The following FBXO30 variants were observed in gnomAD, a reference collection of about 807,000 sequenced individuals.
FBXO30 encodes the protein F-box protein 30, also known as F-box only protein 30.
A neutral mutation model predicts 58.1 loss-of-function variants in FBXO30; 21 were observed. That is an observed-to-expected ratio of 0.36 (90% CI 0.26 to 0.52). The LOEUF is 0.52. FBXO30 is among the 20% of genes least tolerant of loss of function. The pLI, the probability that FBXO30 is intolerant of heterozygous loss-of-function variation, is 0.93. For missense variants in FBXO30, 744 were observed against 897.3 expected (o/e 0.83, Z 2.18); for synonymous variants, 309 against 312.4 (o/e 0.99, Z 0.11).
chr6:145,810,618 T>C (rs1778307095), intron 1 of FBXO30, among the ~76,000 whole-genome samples: 1 of 152,228 alleles, frequency 6.6e-6, no homozygotes, highest in Non-Finnish European at 1.5e-5. Flanking sequence ...TCATACTCTG[T>C]GGCTGACAAG....
At position 145,798,261 on chromosome 6, in the gene FBXO30, T is replaced by C. The variant is rs1227173630; in HGVS notation, c.*1845A>G. 6.6e-6 allele frequency: 1 copy of C among 151,986 alleles called. No homozygotes were observed. The highest frequency in any genetic ancestry group is 6.6e-5 in the Admixed American group (1 of 15,238). The allele number at this position is 151,986 out of a possible 1,614,324, so 9.4% of individuals were successfully genotyped here. A position where few individuals can be genotyped will look rare whatever the true frequency, so the allele number is the denominator to read the frequency against. On this transcript the variant is annotated 3_prime_UTR_variant, in exon 3 of 3. Transcript: ENST00000237281. ...TCACAAAGAAAACATTTTAACAAAATGGTATGGTGGCATAACAATAACAAA... is the reference window on the plus strand; with the variant it reads ...TCACAAAGAAAACATTTTAACAAAACGGTATGGTGGCATAACAATAACAAA...
At position 145,798,185 on chromosome 6, in the gene FBXO30, T is replaced by C. The variant is rs1777902493; in HGVS notation, c.*1921A>G. The C allele has an allele frequency of 6.6e-6, 1 of 152,052 alleles. No homozygotes were observed. Among genetic ancestry groups the C allele is most frequent in the African/African-American group, 2.4e-5 (1 of 41,428 alleles). The allele number at this position is 152,052 out of a possible 1,614,324, so 9.4% of individuals were successfully genotyped here. A position where few individuals can be genotyped will look rare whatever the true frequency, so the allele number is the denominator to read the frequency against. ...ATTTAAATGAACGTTTTTAAGTTAT[T>C]GAGCCATGTTAAGGGAAAACATTAA... On this transcript the variant is annotated 3_prime_UTR_variant, in exon 3 of 3. Transcript: ENST00000237281.
rs1274422825 is a variant in FBXO30, at chr6:145,804,541, T to C, written c.1865A>G (p.Gln622Arg). 3.7e-6 allele frequency: 6 copies of C among 1,613,634 alleles called. No individual in the cohort carries two copies. The highest frequency in any genetic ancestry group is 5.1e-6 in the Non-Finnish European group (6 of 1,179,824). ...GCCATCGAGAAAGCCTGCAATATGC[T>C]GCAGGACCTCAAAAGGAAGACTACT... The part of the protein sequence containing the change: ...HLSSLPFEVL[Q>R]HIAGFLDGFS... Residue 622 changes from glutamine to arginine, a missense_variant, in exon 2 of 3, where the codon CAG becomes CGG. Gln to Arg is a conservative substitution (Grantham distance 43). This residue lies in a region of FBXO30 where 334 missense variants were observed against 433.7 expected (regional missense o/e 0.77). Coordinates refer to ENST00000237281, the MANE Select transcript of FBXO30 (RefSeq NM_032145.5).
rs373132340 is a variant in FBXO30 at position 145,795,185 on chromosome 6, C to G, written c.*4921G>C. 6.6e-6 allele frequency: 1 copy of G among 151,826 alleles called. No homozygotes were observed. Among genetic ancestry groups the G allele is most frequent in the East Asian group, 1.9e-4 (1 of 5,172 alleles). The allele number at this position is 151,826 out of a possible 1,614,324, so 9.4% of individuals were successfully genotyped here. ...ATAGATCAACCTATTTGCCTCACAT[C>G]TGAGAAACAAAATTTCTAAAAATTT... is the stretch of plus-strand genomic sequence containing the variant. On this transcript the variant is annotated 3_prime_UTR_variant, in exon 3 of 3. Coordinates refer to ENST00000237281, the MANE Select transcript of FBXO30 (RefSeq NM_032145.5).
chr6:145,808,941 C>T (rs1407761828), intron 1 of FBXO30, among the ~76,000 whole-genome samples: 1 of 152,082 alleles, frequency 6.6e-6, no homozygotes, highest in African/African-American at 2.4e-5. Context: ...ACTAAAATAA[C>T]AAAAGTGTAC....
At chr6:145,812,284 C>T (rs1778355530) in intron 1 of FBXO30, among the ~76,000 whole-genome samples, 2 of 151,944 alleles carry the variant, frequency 1.3e-5, no homozygotes, top group Non-Finnish European at 2.9e-5. Flanking sequence ...TATTCCAAAG[C>T]GAAATCTAAC....
At chr6:145,809,238 AACTT>A in intron 1 of FBXO30, among the ~76,000 whole-genome samples, 1 of 152,202 alleles carries the variant, frequency 6.6e-6, no homozygotes, top group Non-Finnish European at 1.5e-5. Flanking sequence ...TTTAAAGAAA[AACTT>A]TATTAAGAAT....
intron 1 of FBXO30, among the ~76,000 whole-genome samples, chr6:145,813,491 AC>A (rs1778392384): frequency 6.6e-6 from 1 of 152,328 alleles, no homozygotes; most frequent in East Asian, 1.9e-4. Flanking sequence ...TTGAAATCTA[AC>A]CCTCTGAAAA....
chr6:145,814,705 C>G lies in FBXO30; in HGVS notation c.-119G>C, dbSNP rs1336666071. On this transcript the variant is annotated 5_prime_UTR_variant, in exon 1 of 3. Transcript: ENST00000237281. ...GACGCTCCGTACCCCACACAGCCGT[C>G]CGAACCGCCTCCTCCGCCCCTCTTC... 6.5e-6 allele frequency: 1 copy of G among 153,464 alleles called. No homozygotes were observed. The highest frequency in any genetic ancestry group is 2.4e-5 in the African/African-American group (1 of 41,456). The allele number at this position is 153,464 out of a possible 1,614,324, so 9.5% of individuals were successfully genotyped here.
chr6:145,807,173 C>T (rs1778197992), intron 1 of FBXO30, among the ~76,000 whole-genome samples: 1 of 152,046 alleles, frequency 6.6e-6, no homozygotes, highest in South Asian at 2.1e-4. Context: ...TAAAGATTAG[C>T]AAGTCACAGT....
rs1316873780 is a variant in FBXO30 at position 145,794,180 on chromosome 6, C to T, written c.*5926G>A. 6.6e-6 allele frequency: 1 copy of T among 151,968 alleles called. No homozygotes were observed. Among genetic ancestry groups the T allele is most frequent in the Non-Finnish European group, 1.5e-5 (1 of 67,892 alleles). The allele number at this position is 151,968 out of a possible 1,614,324, so 9.4% of individuals were successfully genotyped here. On this transcript the variant is annotated 3_prime_UTR_variant, in exon 3 of 3. Coordinates refer to ENST00000237281, the MANE Select transcript of FBXO30 (RefSeq NM_032145.5). ...TATCTCTATGAATTTACCTATTCTG[C>T]ATATTTCATATAAATGAAATCATAT...
In FBXO30 at chr6:145,805,470, TAA is replaced by T; in HGVS notation, c.934_935del (p.Leu312AsnfsTer26). The T allele has an allele frequency of 6.2e-7, 1 of 1,609,320 alleles. No individual in the cohort carries two copies. On this transcript the variant is annotated frameshift_variant, in exon 2 of 3. Transcript: ENST00000237281. LOFTEE classifies it high-confidence loss of function. ...ATGATGCCACACAGTCTCCATTTGT[TAA>T]GTTACTTTGTTTTGAATCACCATGT... Reference protein sequence around the residue: ...NLHGDSKQSNLTNGDCVASSD... With the variant: ...NLHGDSKQSNXTNGDCVASSD...
rs1455199188 is a variant in FBXO30 at position 145,804,835 on chromosome 6, C to T, written c.1571G>A (p.Gly524Glu). The change falls in exon 2 of 3, where the codon GGA becomes GAA. Residue 524 changes from glycine (G) to glutamate (E), a missense_variant. Physicochemically the swap from Gly to Glu is moderately conservative, Grantham distance 98 (BLOSUM62 -2). Transcript: ENST00000237281. ...AAATTCTTTCCTTCTAAATAACTGT[C>T]CACACACAAAGGTAAACATTGAACG... is the stretch of plus-strand genomic sequence containing the variant. ...KQRSMFTFVCGQLFRRKEFSS... is the reference protein window; with the variant it reads ...KQRSMFTFVCEQLFRRKEFSS... 1 of 1,613,922 alleles carries T rather than the reference C, an allele frequency of 6.2e-7. No homozygotes were observed. Among genetic ancestry groups the T allele is most frequent in the Non-Finnish European group, 8.5e-7 (1 of 1,179,902 alleles).
At chr6:145,808,137 AAAT>A (rs953244911) in intron 1 of FBXO30, among the ~76,000 whole-genome samples, 1 of 152,068 alleles carries the variant, frequency 6.6e-6, no homozygotes, top group East Asian at 1.9e-4. Context: ...CTGTCTCAAA[AAAT>A]AATAATAATA....
chr6:145,811,291 G>C (rs1234350906), intron 1 of FBXO30, among the ~76,000 whole-genome samples: 1 of 152,016 alleles, frequency 6.6e-6, no homozygotes, highest in East Asian at 1.9e-4. Flanking sequence ...TACAGATCTG[G>C]CATCAATCAA....
intron 2 of FBXO30, among the ~76,000 whole-genome samples, chr6:145,804,129 G>A (rs536703565): frequency 1.3e-5 from 2 of 152,066 alleles, no homozygotes; most frequent in African/African-American, 4.8e-5. Context: ...AACGTAAGTG[G>A]TCTCTGCCAT....
chr6:145,796,777 CTG>C lies in FBXO30; in HGVS notation c.*3327_*3328del, dbSNP rs1562556241. 2.6e-5 allele frequency: 4 copies of C among 151,958 alleles called. No homozygotes were observed. The highest frequency in any genetic ancestry group is 6.6e-5 in the Admixed American group (1 of 15,230). 9.4% of individuals were successfully genotyped at this position (151,958 alleles called of 1,614,324 possible). A position where few individuals can be genotyped will look rare whatever the true frequency, so the allele number is the denominator to read the frequency against. ...ACTAGTCAAATCTCCACAGGCAAAA[CTG>C]TTATCGATATAGTAATATAAACTAC... On this transcript the variant is annotated 3_prime_UTR_variant, in exon 3 of 3. Coordinates refer to ENST00000237281, the MANE Select transcript of FBXO30 (RefSeq NM_032145.5).
Position 145,805,004 on chromosome 6 carries a change from A to T in FBXO30, c.1402T>A (p.Leu468Ile), listed in dbSNP as rs773080045. The T allele has an allele frequency of 6.2e-7, 1 of 1,613,946 alleles. No individual in the cohort carries two copies. Among genetic ancestry groups the T allele is most frequent in the South Asian group, 1.1e-5 (1 of 91,082 alleles). The change falls in exon 2 of 3, where the codon TTA becomes ATA. Residue 468 changes from leucine to isoleucine, a missense_variant. Leu to Ile is a conservative substitution (Grantham distance 5, BLOSUM62 2). Transcript: ENST00000237281. ...TQTFSLPSAI[L>I]ATSTMVGEIA... ...TCCCCAACCATTGTACTTGTAGCTAATATTGCAGATGGAAGTGAAAAAGTC... is the reference window on the plus strand; with the variant it reads ...TCCCCAACCATTGTACTTGTAGCTATTATTGCAGATGGAAGTGAAAAAGTC...
At chr6:145,808,055 C>T (rs1353987404) in intron 1 of FBXO30, among the ~76,000 whole-genome samples, 1 of 151,910 alleles carries the variant, frequency 6.6e-6, no homozygotes, top group East Asian at 1.9e-4. Context: ...TCAAATGAGC[C>T]CAGGAGATTG....
Sources: gnomAD v4.1 joint callset for allele counts (sites outside exome capture counted in the v4.1 genomes callset) on GRCh38, gnomAD v4.1.1 for gene constraint, gnomAD v4.1.1 regional missense constraint, MANE v1.5 for transcripts, NCBI Gene and HGNC (gene_info 2026-07-23, HGNC 2026-07-21) for gene names.